AP4S1: variants seen among roughly 807,000 people sequenced by gnomAD.
AP4S1 encodes the protein adaptor related protein complex 4 subunit sigma 1, also known as AP-4 complex subunit sigma-1.
AP4S1 carries 23 observed loss-of-function variants against 19.8 expected under a neutral mutation model. The observed-to-expected ratio is 1.16, with a 90% CI of 0.84 to 1.65. The LOEUF (loss-of-function observed/expected upper bound fraction) is 1.65, where lower values mean the gene tolerates loss of function less well. Ranked by LOEUF, AP4S1 falls within the 40% of genes most tolerant of loss-of-function variation. The pLI is 0.00. For missense variants in AP4S1, 166 were observed against 172.8 expected, an observed-to-expected ratio of 0.96 and a Z score of 0.22; for synonymous variants, 46 against 54.1, an observed-to-expected ratio of 0.85 and a Z score of 0.66.
At chr14:31,065,623 A>G (rs942113739) in intron 1 of AP4S1, among the ~76,000 whole-genome samples, 3 of 152,142 alleles carry the variant, frequency 2.0e-5, no homozygotes, top group Admixed American at 2.0e-4. Context: ...AACTGATGAA[A>G]ATTTATCATT....
chr14:31,025,791 G>T lies in AP4S1; in HGVS notation c.-72+4G>T. 1.4e-6 allele frequency: 2 copies of T among 1,427,516 alleles called. No homozygotes were observed. Among genetic ancestry groups the T allele is most frequent in the Non-Finnish European group, 1.9e-6 (2 of 1,063,208 alleles). The allele number at this position is 1,427,516 out of a possible 1,614,324, so 88.4% of individuals were successfully genotyped here. On this transcript the variant is annotated splice_donor_region_variant and intron_variant, in intron 1 of 5. Coordinates refer to ENST00000542754, the MANE Select transcript of AP4S1 (RefSeq NM_001128126.3). ...CATCACAACCTGAGCAGCACAGGTA[G>T]GTTCCGCTCGGCCTCCCAAGGCGCC... is the stretch of plus-strand genomic sequence containing the variant.
chr14:31,030,184 C>T (rs574380745), intron 1 of AP4S1, among the ~76,000 whole-genome samples: 1 of 152,014 alleles, frequency 6.6e-6, no homozygotes, highest in Non-Finnish European at 1.5e-5. Context: ...GATGGGTTTT[C>T]GCCATGTTGC....
At chr14:31,036,567 A>G (rs770043982) in intron 1 of AP4S1, among the ~76,000 whole-genome samples, 1 of 152,190 alleles carries the variant, frequency 6.6e-6, no homozygotes, top group African/African-American at 2.4e-5. Context: ...CTAGCTAGCT[A>G]TTAACATACA....
intron 4 of AP4S1, chr14:31,073,287 G>C (rs532373436): frequency 3.3e-5 from 10 of 303,564 alleles, no homozygotes; most frequent in East Asian, 8.1e-5. Flanking sequence ...TCAGGAGATG[G>C]AGACCATCCT....
chr14:31,087,092 GC>G (rs1249426650), intron 5 of AP4S1, among the ~76,000 whole-genome samples: 1 of 152,074 alleles, frequency 6.6e-6, no homozygotes, highest in African/African-American at 2.4e-5. Context: ...AATAAAAACA[GC>G]ATTTCACTAT....
At chr14:31,069,770 A>G in intron 2 of AP4S1, 73 bp from the exon 3 acceptor site, 1 of 1,120,202 alleles carries the variant, frequency 8.9e-7, no homozygotes, top group South Asian at 1.2e-5. Flanking sequence ...ATCAGAACCT[A>G]GAACTTACGC....
At chr14:31,083,293 G>A (rs932900319) in intron 5 of AP4S1, among the ~76,000 whole-genome samples, 2 of 151,992 alleles carry the variant, frequency 1.3e-5, no homozygotes, top group South Asian at 2.1e-4. Flanking sequence ...CAAGTTATAT[G>A]TATTTACTGT....
intron 1 of AP4S1, among the ~76,000 whole-genome samples, chr14:31,059,985 GTATATATATT>G (rs1226520462): frequency 1.6e-4 from 11 of 70,862 alleles, no homozygotes; most frequent in African/African-American, 6.7e-4. Context: ...ATGTATATAT[GTATATATATT>G]TATATGTATT....
At chr14:31,026,314 T>A (rs1245243965) in intron 1 of AP4S1, 21 of 1,017,834 alleles carry the variant, frequency 2.1e-5, no homozygotes, top group Non-Finnish European at 2.7e-5. Flanking sequence ...GGGTCGTTGC[T>A]GTGTGCCTGC....
intron 1 of AP4S1, among the ~76,000 whole-genome samples, chr14:31,034,609 A>ATTTTT (rs5807612): frequency 1.9e-5 from 2 of 103,940 alleles, no homozygotes; most frequent in African/African-American, 3.9e-5. Flanking sequence ...TTTGTACTTA[A>ATTTTT]TTTTTTTTTT....
intron 1 of AP4S1, among the ~76,000 whole-genome samples, chr14:31,040,075 A>G (rs1047987730): frequency 2.8e-4 from 42 of 152,036 alleles, no homozygotes; most frequent in Admixed American, 1.4e-3. Context: ...CCAGTACTGC[A>G]CTTAAATTCA....
chr14:31,043,405 G>T lies in AP4S1; in HGVS notation c.-72+17618G>T, dbSNP rs138832916. The stretch of plus-strand genomic sequence containing the variant: ...GGGATTTTGAGAGAGAGACTGAGAG[G>T]GGGTAGTGGATGGGAAAAAAGGTAG... On this transcript the variant is annotated intron_variant, in intron 1 of 5. Transcript: ENST00000542754. 1.2e-4 allele frequency among the ~76,000 whole-genome samples: 18 copies of T among 152,204 alleles called. No individual in the cohort carries two copies. The East Asian group carries it at 2.9e-3, about 24-fold the overall frequency.
intron 5 of AP4S1, among the ~76,000 whole-genome samples, chr14:31,081,287 C>T (rs1398690880): frequency 6.6e-6 from 1 of 152,172 alleles, no homozygotes; most frequent in Non-Finnish European, 1.5e-5. Context: ...CTCTAGAAAT[C>T]CCCTACATGA....
intron 4 of AP4S1, among the ~76,000 whole-genome samples, chr14:31,075,559 T>A (rs1887309049): frequency 6.6e-6 from 1 of 152,162 alleles, no homozygotes; most frequent in African/African-American, 2.4e-5. Context: ...ACTTTCTGTG[T>A]CTATAGATTT....
Position 31,051,313 on chromosome 14 carries a change from A to G in AP4S1, c.-71-14813A>G, listed in dbSNP as rs893746962. 4.6e-4 allele frequency among the ~76,000 whole-genome samples: 70 copies of G among 152,186 alleles called. No homozygotes were observed. The Middle Eastern group carries it at 0.01, about 22-fold the overall frequency. On this transcript the variant is annotated intron_variant, in intron 1 of 5. Coordinates refer to ENST00000542754, the MANE Select transcript of AP4S1 (RefSeq NM_001128126.3). ...TGGACAAAGGGGATATTCACATCCC[A>G]GGCACAGCAGAGCAGGATGGCACAA...
intron 1 of AP4S1, among the ~76,000 whole-genome samples, chr14:31,058,561 G>A (rs1203696499): frequency 1.4e-5 from 1 of 71,680 alleles, no homozygotes; most frequent in Non-Finnish European, 3.2e-5. Flanking sequence ...GTGTGTGTGT[G>A]TGTGTGTGTG....
intron 1 of AP4S1, chr14:31,026,449 G>C: frequency 2.4e-6 from 1 of 412,370 alleles, no homozygotes; most frequent in Non-Finnish European, 4.3e-6. Flanking sequence ...GAGTTGGGAA[G>C]GGGATAGGCG....
chr14:31,043,937 A>G (rs1885250864), intron 1 of AP4S1, among the ~76,000 whole-genome samples: 1 of 152,190 alleles, frequency 6.6e-6, no homozygotes, highest in Non-Finnish European at 1.5e-5. Flanking sequence ...CTCTTAGCAC[A>G]TCCATTTTGA....
chr14:31,073,435 A>G (rs1196257588), intron 4 of AP4S1, among the ~76,000 whole-genome samples: 2 of 139,044 alleles, frequency 1.4e-5, no homozygotes, highest in Non-Finnish European at 3.2e-5. Flanking sequence ...GCTTGCAGTG[A>G]GCCGAGATCC....
Sources: gnomAD v4.1 joint callset for allele counts (sites outside exome capture counted in the v4.1 genomes callset) on GRCh38, gnomAD v4.1.1 for gene constraint, MANE v1.5 for transcripts, NCBI Gene and HGNC (gene_info 2026-07-23, HGNC 2026-07-21) for gene names.